The following CDH13 variants were observed in gnomAD, a reference collection of about 807,000 sequenced individuals.
The protein encoded by CDH13 is cadherin 13, also known as cadherin-13.
A neutral mutation model predicts 63.8 loss-of-function variants in CDH13; 24 were observed. The ratio of observed to expected loss-of-function variants is 0.38; its 90% CI spans 0.27 to 0.53. CDH13 has a LOEUF of 0.53. Ranked by LOEUF, CDH13 falls within the 20% of genes least tolerant of loss-of-function variation. The probability of loss-of-function intolerance (pLI) is 0.85; values close to 1 mark genes in which losing one functional copy is unlikely to be tolerated. For missense variants in CDH13, 1,049 were observed against 903.1 expected, an observed-to-expected ratio of 1.16 and a Z score of -2.07; for synonymous variants, 503 against 355.3, an observed-to-expected ratio of 1.42 and a Z score of -4.67.
intron 8 of CDH13, among the ~76,000 whole-genome samples, chr16:83,659,454 A>G (rs376938414): frequency 1.3e-5 from 2 of 152,266 alleles, no homozygotes; most frequent in African/African-American, 4.8e-5. Context: ...ATGTGCCATC[A>G]GGTTTCTTTT....
intron 4 of CDH13, among the ~76,000 whole-genome samples, chr16:83,217,096 C>G (rs1342252219): frequency 1.3e-5 from 2 of 152,136 alleles, no homozygotes; most frequent in East Asian, 3.9e-4. Context: ...CCTCCTTGAT[C>G]CATCACTGTA....
At chr16:82,896,123 G>A (rs11150518) in intron 2 of CDH13, among the ~76,000 whole-genome samples, 140,926 of 152,026 alleles carry the variant, frequency 0.93, 65,448 homozygotes, top group African/African-American at 0.98. Context: ...TCATTCATTC[G>A]TATCTTACCT....
intron 7 of CDH13, among the ~76,000 whole-genome samples, chr16:83,559,580 G>A (rs377462100): frequency 1.0e-3 from 157 of 151,418 alleles, no homozygotes; most frequent in African/African-American, 3.6e-3. Context: ...AAAAGAAAGA[G>A]AGAGAGAGAG....
At chr16:83,140,129 A>T (rs2036466040) in intron 4 of CDH13, among the ~76,000 whole-genome samples, 1 of 152,196 alleles carries the variant, frequency 6.6e-6, no homozygotes, top group Admixed American at 6.5e-5. Flanking sequence ...GTACCACCAG[A>T]GGTTTAGATC....
chr16:83,080,886 T>TTTTTG (rs2033199973), intron 3 of CDH13, among the ~76,000 whole-genome samples: 1 of 117,398 alleles, frequency 8.5e-6, no homozygotes, highest in African/African-American at 3.8e-5. Context: ...TTTTTTTTTT[T>TTTTTG]TTTTTTTTTT....
intron 6 of CDH13, among the ~76,000 whole-genome samples, chr16:83,475,126 A>T (rs2073567997): frequency 6.6e-6 from 1 of 152,224 alleles, no homozygotes; most frequent in African/African-American, 2.4e-5. Context: ...GTTCAACAAC[A>T]ATTAAGAATG....
chr16:83,187,261 C>T lies in CDH13; in HGVS notation c.484-30084C>T, dbSNP rs538431000. On this transcript the variant is annotated intron_variant, in intron 4 of 13. Transcript: ENST00000567109. ...CTGGAATTACAGGCGTAAGCCACCA[C>T]GCCTGGCCCCAAACAAAATTTAATT... is the stretch of plus-strand genomic sequence containing the variant. Among the ~76,000 whole-genome samples the T allele has an allele frequency of 5.3e-5, 8 of 152,322 alleles. No individual in the cohort carries two copies. The East Asian group carries it at 9.6e-4, about 18-fold the overall frequency.
intron 4 of CDH13, among the ~76,000 whole-genome samples, chr16:83,157,661 G>A (rs542067750): frequency 4.6e-5 from 7 of 151,470 alleles, no homozygotes; most frequent in African/African-American, 7.3e-5. Flanking sequence ...TTGGGAGGCC[G>A]AGGCGGGCAG....
intron 3 of CDH13, among the ~76,000 whole-genome samples, chr16:83,065,497 G>T (rs1391233421): frequency 2.0e-5 from 3 of 152,030 alleles, no homozygotes; most frequent in Non-Finnish European, 2.9e-5. Flanking sequence ...TTGAGATCAG[G>T]AGTTCAAAAC....
At chr16:82,769,088 C>G (rs1238130857) in intron 1 of CDH13, among the ~76,000 whole-genome samples, 1 of 152,178 alleles carries the variant, frequency 6.6e-6, no homozygotes, top group South Asian at 2.1e-4. Context: ...GTGAGGTCAT[C>G]ATGTTGTCTT....
intron 3 of CDH13, among the ~76,000 whole-genome samples, chr16:83,106,973 A>T (rs989744014): frequency 2.0e-5 from 3 of 152,080 alleles, no homozygotes; most frequent in Admixed American, 1.3e-4. Flanking sequence ...CCGAATGCTA[A>T]GCTAAAACTC....
At chr16:82,874,295 G>A (rs774159898) in intron 2 of CDH13, among the ~76,000 whole-genome samples, 65 of 152,154 alleles carry the variant, frequency 4.3e-4, no homozygotes, top group African/African-American at 1.4e-3. Flanking sequence ...GAACATTCCC[G>A]TGAAAAGTTG....
intron 5 of CDH13, among the ~76,000 whole-genome samples, chr16:83,302,421 C>T (rs1194541323): frequency 6.6e-6 from 1 of 152,168 alleles, no homozygotes; most frequent in Non-Finnish European, 1.5e-5. Context: ...TCGAATCTGA[C>T]TTGTAACATT....
chr16:83,566,274 G>A (rs991571379), intron 7 of CDH13, among the ~76,000 whole-genome samples: 1 of 152,154 alleles, frequency 6.6e-6, no homozygotes, highest in South Asian at 2.1e-4. Context: ...TGGGAAGGAA[G>A]GACTGTTCTT....
At chr16:83,707,836 CAAAAA>C (rs61067563) in intron 10 of CDH13, among the ~76,000 whole-genome samples, 29,207 of 79,184 alleles carry the variant, frequency 0.37, 4,211 homozygotes, top group Middle Eastern at 0.49. Flanking sequence ...ACCCTAAAGG[CAAAAA>C]AAAAAAAAAA....
In CDH13 at chr16:83,413,985, C is replaced by G. The variant is rs192141347; in HGVS notation, c.781+68979C>G. On this transcript the variant is annotated intron_variant, in intron 6 of 13. Coordinates refer to ENST00000567109, the MANE Select transcript of CDH13 (RefSeq NM_001257.5). Reference sequence around the variant, plus strand: ...CTCCAGCCTGGGCAATAGAGCGAGACTCCATCTCAAAAAAAACAAAAATAC... The same window carrying G: ...CTCCAGCCTGGGCAATAGAGCGAGAGTCCATCTCAAAAAAAACAAAAATAC... Among the ~76,000 whole-genome samples, 3 of 144,090 alleles carry G rather than the reference C, an allele frequency of 2.1e-5. No homozygotes were observed. In the South Asian group the frequency reaches 6.2e-4, roughly 30 times the overall value. The allele number at this position is 144,090 out of a possible 152,430, so 94.5% of individuals were successfully genotyped here. A position where few individuals can be genotyped will look rare whatever the true frequency, so the allele number is the denominator to read the frequency against.
chr16:82,759,995 A>T (rs902216869), intron 1 of CDH13, among the ~76,000 whole-genome samples: 9 of 152,186 alleles, frequency 5.9e-5, no homozygotes, highest in Admixed American at 5.2e-4. Flanking sequence ...TTTAAAAATT[A>T]TGATTATAAT....
At chr16:82,875,875 C>T (rs973963578) in intron 2 of CDH13, among the ~76,000 whole-genome samples, 6 of 152,246 alleles carry the variant, frequency 3.9e-5, no homozygotes, top group East Asian at 3.9e-4. Flanking sequence ...CAGACATACC[C>T]GAGACTGGGC....
rs1271367787 is a variant in CDH13, at chr16:83,134,566, AGAGAGAGAGAGAGAGAGAGAGAGAGAGT to A, written c.483+9069_483+9096del. Among the ~76,000 whole-genome samples, 74 of 116,470 alleles carry A rather than the reference AGAGAGAGAGAGAGAGAGAGAGAGAGAGT, an allele frequency of 6.4e-4. 1 individual carries two copies. The highest frequency in any genetic ancestry group is 7.8e-4 in the Non-Finnish European group (46 of 58,742). 76.4% of individuals were successfully genotyped at this position (116,470 alleles called of 152,430 possible). A position where few individuals can be genotyped will look rare whatever the true frequency, so the allele number is the denominator to read the frequency against. On this transcript the variant is annotated intron_variant, in intron 4 of 13. Transcript: ENST00000567109. ...GGGGGAGAGAGAGAGAGAGAGAGAG[AGAGAGAGAGAGAGAGAGAGAGAGAGAGT>A]GAGTTACATGACTGTATTTCTGAAT...
Sources: allele counts gnomAD v4.1 joint callset (sites outside exome capture counted in the v4.1 genomes callset), GRCh38; gene constraint gnomAD v4.1.1; transcripts MANE v1.5; gene names NCBI Gene and HGNC (gene_info 2026-07-23, HGNC 2026-07-21).